SCLT1: variants seen among roughly 807,000 people sequenced by gnomAD.
SCLT1 encodes sodium channel and clathrin linker 1.
SCLT1 carries 78 observed loss-of-function variants against 112.8 expected under a neutral mutation model. The ratio of observed to expected loss-of-function variants is 0.69; its 90% CI spans 0.58 to 0.83. The LOEUF is 0.83. SCLT1 is among the 40% of genes least tolerant of loss of function. SCLT1 has a pLI of 0.00. For missense variants in SCLT1, 747 were observed against 770.4 expected, an observed-to-expected ratio of 0.97 and a Z score of 0.36; for synonymous variants, 257 against 254.7, an observed-to-expected ratio of 1.01 and a Z score of -0.09.
At chr4:129,013,595 T>C (rs1027436718) in intron 5 of SCLT1, among the ~76,000 whole-genome samples, 3 of 152,210 alleles carry the variant, frequency 2.0e-5, no homozygotes, top group African/African-American at 7.2e-5. Context: ...TATTAAATTC[T>C]GGCTTGGAAT....
chr4:128,930,507 G>T (rs1008170168), intron 18 of SCLT1, among the ~76,000 whole-genome samples: 1 of 152,160 alleles, frequency 6.6e-6, no homozygotes, highest in African/African-American at 2.4e-5. Flanking sequence ...AAATGTTGGG[G>T]TAATTTGTTA....
chr4:128,892,977 A>T (rs1733445212), intron 18 of SCLT1, among the ~76,000 whole-genome samples: 1 of 152,240 alleles, frequency 6.6e-6, no homozygotes, highest in Non-Finnish European at 1.5e-5. Flanking sequence ...AAGAAAAAAA[A>T]CAACTAAAGA....
intron 5 of SCLT1, among the ~76,000 whole-genome samples, chr4:129,024,293 A>AC (rs1745798434): frequency 1.3e-5 from 2 of 152,100 alleles, no homozygotes; most frequent in Admixed American, 1.3e-4. Context: ...ACTGGAAGGC[A>AC]CCCCCAAGTA....
At chr4:128,982,358 T>C (rs1021344834) in intron 9 of SCLT1, among the ~76,000 whole-genome samples, 1 of 152,216 alleles carries the variant, frequency 6.6e-6, no homozygotes, top group Non-Finnish European at 1.5e-5. Context: ...ATAAACTTAT[T>C]ATAAAGACTG....
chr4:129,002,198 C>G (rs1438146116), intron 6 of SCLT1, among the ~76,000 whole-genome samples: 1 of 151,866 alleles, frequency 6.6e-6, no homozygotes, highest in Non-Finnish European at 1.5e-5. Flanking sequence ...AATGAGGAAA[C>G]TGAGGCACAA....
At chr4:128,987,277 T>C (rs1056796261) in intron 9 of SCLT1, among the ~76,000 whole-genome samples, 1 of 152,152 alleles carries the variant, frequency 6.6e-6, no homozygotes, top group Non-Finnish European at 1.5e-5. Context: ...AACTCTTCAT[T>C]GCTCAGATAC....
rs376604206 is a variant in SCLT1 at position 129,011,970 on chromosome 4, TC to T, written c.291-8095del. On this transcript the variant is annotated intron_variant, in intron 5 of 20. Coordinates refer to ENST00000281142, the MANE Select transcript of SCLT1 (RefSeq NM_144643.4). Reference sequence around the variant, plus strand: ...GCTAATGGTCTATTTTATTAATTTTTCCAAAAAACCAGCTTCTGTGTTCTTT... The same window carrying T: ...GCTAATGGTCTATTTTATTAATTTTTCAAAAAACCAGCTTCTGTGTTCTTT... 4.7e-3 allele frequency among the ~76,000 whole-genome samples: 715 copies of T among 152,232 alleles called. 4 individuals carry two copies. The highest frequency in any genetic ancestry group is 0.016 in the African/African-American group (655 of 41,550).
At chr4:128,893,834 C>A (rs1270238986) in intron 18 of SCLT1, among the ~76,000 whole-genome samples, 1 of 152,126 alleles carries the variant, frequency 6.6e-6, no homozygotes, top group Admixed American at 6.5e-5. Flanking sequence ...AGCCACTGTG[C>A]CCAGCCCCGA....
At chr4:128,882,089 AATAAT>A, downstream of SCLT1, among the ~76,000 whole-genome samples, 1 of 152,286 alleles carries the variant, frequency 6.6e-6, no homozygotes, top group African/African-American at 2.4e-5. Flanking sequence ...GAAAAAGTAT[AATAAT>A]ATAATACTTA....
intron 5 of SCLT1, among the ~76,000 whole-genome samples, chr4:129,012,401 G>T (rs1216491497): frequency 2.0e-5 from 3 of 152,142 alleles, no homozygotes. Context: ...TATGATTTCT[G>T]TTCTTTTGCA....
intron 4 of SCLT1, among the ~76,000 whole-genome samples, chr4:129,041,566 C>T (rs1747697516): frequency 6.6e-6 from 1 of 152,012 alleles, no homozygotes; most frequent in South Asian, 2.1e-4. Context: ...TAAGCCCTGG[C>T]ATTTAATCAT....
At chr4:128,967,446 T>A (rs1411884304) in intron 10 of SCLT1, among the ~76,000 whole-genome samples, 1 of 152,230 alleles carries the variant, frequency 6.6e-6, no homozygotes, top group Non-Finnish European at 1.5e-5. Flanking sequence ...CTTTCCACAG[T>A]GGCTGAACTA....
chr4:128,921,437 G>T (rs1181783682), intron 18 of SCLT1, among the ~76,000 whole-genome samples: 1 of 152,048 alleles, frequency 6.6e-6, no homozygotes, highest in African/African-American at 2.4e-5. Flanking sequence ...AAACAGCATG[G>T]TACTGGTAAA....
At chr4:128,973,205 T>C (rs2126037495) in intron 9 of SCLT1, among the ~76,000 whole-genome samples, 1 of 152,266 alleles carries the variant, frequency 6.6e-6, no homozygotes, top group East Asian at 1.9e-4. Flanking sequence ...TAATATATAA[T>C]ACTTTATACA....
intron 5 of SCLT1, among the ~76,000 whole-genome samples, chr4:129,023,278 T>C (rs1745662798): frequency 6.6e-6 from 1 of 152,132 alleles, no homozygotes. Flanking sequence ...GGCGACAGGA[T>C]CAAATTCACA....
At chr4:128,892,327 C>T (rs1395736205) in intron 18 of SCLT1, among the ~76,000 whole-genome samples, 6 of 152,202 alleles carry the variant, frequency 3.9e-5, no homozygotes, top group African/African-American at 1.2e-4. Context: ...TTCTTCACAT[C>T]ACACTGTGTG....
chr4:129,074,648 G>T (rs1390468394), intron 2 of SCLT1, among the ~76,000 whole-genome samples: 2 of 152,064 alleles, frequency 1.3e-5, no homozygotes, highest in South Asian at 2.1e-4. Flanking sequence ...ATAATTTAAA[G>T]AATTGTGTAT....
At position 128,943,088 on chromosome 4, in the gene SCLT1, G is replaced by A. The variant is rs536059566; in HGVS notation, c.1540C>T (p.Leu514=). 2.5e-6 allele frequency: 4 copies of A among 1,612,694 alleles called. No individual in the cohort carries two copies. The African/African-American group carries it at 4.0e-5, about 16-fold the overall frequency. ...TGTTTATTTTCTTGCTGAAGTTTTA[G>A]CCTTTGTTCACTGACAAGCCCACAG... ...ENCGLVSEQR[L]KLQQENKQLR... The change falls in exon 17 of 21, where the codon CTA becomes TTA. Residue 514 remains leucine (L), a synonymous_variant. Coordinates refer to ENST00000281142, the MANE Select transcript of SCLT1 (RefSeq NM_144643.4).
At chr4:129,063,072 C>T (rs930433889) in intron 2 of SCLT1, among the ~76,000 whole-genome samples, 4 of 152,140 alleles carry the variant, frequency 2.6e-5, no homozygotes, top group African/African-American at 9.7e-5. Flanking sequence ...AATTACTTTT[C>T]AATCTTCTTT....
Sources: allele counts gnomAD v4.1 joint callset (sites outside exome capture counted in the v4.1 genomes callset), GRCh38; gene constraint gnomAD v4.1.1; transcripts MANE v1.5; gene names NCBI Gene and HGNC (gene_info 2026-07-23, HGNC 2026-07-21).